Variants in NELL1 observed in about 807,000 individuals in gnomAD.
The protein encoded by NELL1 is neural EGFL like 1, also known as protein kinase C-binding protein NELL1.
A neutral mutation model predicts 107.4 loss-of-function variants in NELL1; 76 were observed. The observed-to-expected ratio is 0.71, with a 90% CI of 0.59 to 0.86. The LOEUF (loss-of-function observed/expected upper bound fraction) is 0.86, where lower values mean the gene tolerates loss of function less well. NELL1 is among the 40% of genes least tolerant of loss of function. NELL1 has a pLI of 0.00. For missense variants in NELL1, 1,024 were observed against 1,005.5 expected, an observed-to-expected ratio of 1.02 and a Z score of -0.25; for synonymous variants, 353 against 341.2, an observed-to-expected ratio of 1.03 and a Z score of -0.38.
intron 15 of NELL1, among the ~76,000 whole-genome samples, chr11:21,498,427 A>G (rs145285178): frequency 1.3e-5 from 2 of 149,966 alleles, no homozygotes; most frequent in Admixed American, 1.3e-4. Context: ...GTACTTTTCT[A>G]CCATTGGTTT....
At chr11:21,324,837 T>C (rs2133674056) in intron 14 of NELL1, among the ~76,000 whole-genome samples, 1 of 152,092 alleles carries the variant, frequency 6.6e-6, no homozygotes, top group African/African-American at 2.4e-5. Flanking sequence ...TGTTATAGAG[T>C]AAGGTCTTGA....
intron 15 of NELL1, among the ~76,000 whole-genome samples, chr11:21,447,052 A>G (rs1455000637): frequency 6.6e-6 from 1 of 152,146 alleles, no homozygotes; most frequent in Non-Finnish European, 1.5e-5. Flanking sequence ...CATGTCTGCC[A>G]CCAATACAGG....
In NELL1 at chr11:21,126,790, T is replaced by C. The variant is rs144892245; in HGVS notation, c.1426+13076T>C. On this transcript the variant is annotated intron_variant, in intron 13 of 19. Coordinates refer to ENST00000357134, the MANE Select transcript of NELL1 (RefSeq NM_006157.5). ...GTAGACAGTGTTCAGACTGGGAAGA[T>C]GAGCCTAGAATCAGATGCTTTAGGC... 2.2e-3 allele frequency among the ~76,000 whole-genome samples: 335 copies of C among 152,372 alleles called. 2 individuals carry two copies. The highest frequency in any genetic ancestry group is 7.5e-3 in the African/African-American group (311 of 41,590).
intron 2 of NELL1, among the ~76,000 whole-genome samples, chr11:20,695,382 G>C (rs1854587510): frequency 6.6e-6 from 1 of 152,116 alleles, no homozygotes; most frequent in African/African-American, 2.4e-5. Context: ...TTTCTCAAGG[G>C]GAATGCTCCC....
At chr11:21,341,317 G>A (rs889986127) in intron 14 of NELL1, among the ~76,000 whole-genome samples, 8 of 152,126 alleles carry the variant, frequency 5.3e-5, no homozygotes, top group African/African-American at 1.2e-4. Flanking sequence ...ACAAACTATT[G>A]ACTATGAGAA....
At chr11:21,218,625 C>T (rs1590743944) in intron 13 of NELL1, among the ~76,000 whole-genome samples, 1 of 152,078 alleles carries the variant, frequency 6.6e-6, no homozygotes, top group African/African-American at 2.4e-5. Flanking sequence ...CCTAATCAAC[C>T]TCTCTGTATC....
intron 15 of NELL1, among the ~76,000 whole-genome samples, chr11:21,446,149 T>C (rs1214907463): frequency 3.9e-5 from 6 of 152,148 alleles, no homozygotes; most frequent in African/African-American, 9.7e-5. Context: ...TTCTTCAGTA[T>C]GTTAATTGCA....
chr11:21,555,942 C>A, intron 16 of NELL1, among the ~76,000 whole-genome samples: 1 of 151,864 alleles, frequency 6.6e-6, no homozygotes, highest in Non-Finnish European at 1.5e-5. Context: ...AGCATGGCTG[C>A]CACCGCTTAG....
At chr11:20,831,068 C>T (rs996427351) in intron 3 of NELL1, among the ~76,000 whole-genome samples, 6 of 152,134 alleles carry the variant, frequency 3.9e-5, no homozygotes, top group Admixed American at 6.6e-5. Flanking sequence ...AGAAAGTTTG[C>T]GTCACTGTTT....
At chr11:21,009,280 A>G (rs747749306) in intron 12 of NELL1, among the ~76,000 whole-genome samples, 7 of 152,156 alleles carry the variant, frequency 4.6e-5, no homozygotes, top group Non-Finnish European at 8.8e-5. Context: ...GGCAATTAGT[A>G]TCACTTGTTC....
chr11:21,432,006 T>C (rs1442395707), intron 15 of NELL1, among the ~76,000 whole-genome samples: 1 of 152,166 alleles, frequency 6.6e-6, no homozygotes, highest in Non-Finnish European at 1.5e-5. Context: ...GCTTCTTCTG[T>C]GTAGAAATGT....
chr11:20,758,742 T>C (rs1457756937), intron 2 of NELL1, among the ~76,000 whole-genome samples: 1 of 152,186 alleles, frequency 6.6e-6, no homozygotes, highest in Non-Finnish European at 1.5e-5. Flanking sequence ...GCAGTATTCT[T>C]GACTGCTACT....
chr11:21,453,917 C>CT (rs1182379361), intron 15 of NELL1, among the ~76,000 whole-genome samples: 188 of 133,632 alleles, frequency 1.4e-3, no homozygotes, highest in African/African-American at 3.9e-3. Context: ...ATCATAGGTT[C>CT]TTTTTTTTTT....
Position 20,875,366 on chromosome 11 carries a change from T to C in NELL1, c.507-10078T>C, listed in dbSNP as rs751215484. Reference sequence around the variant, plus strand: ...TAGTGTTGTGCTAAATCTGTCATGATTGAAACCATCACACCAGCTTCAAAT... The same window carrying C: ...TAGTGTTGTGCTAAATCTGTCATGACTGAAACCATCACACCAGCTTCAAAT... On this transcript the variant is annotated intron_variant, in intron 4 of 19. Coordinates refer to ENST00000357134, the MANE Select transcript of NELL1 (RefSeq NM_006157.5). Among the ~76,000 whole-genome samples, 81 of 152,132 alleles carry C rather than the reference T, an allele frequency of 5.3e-4. 3 individuals are homozygous for C. The highest frequency in any genetic ancestry group is 1.2e-4 in the Non-Finnish European group (8 of 68,046).
chr11:21,448,559 C>T (rs184496115), intron 15 of NELL1, among the ~76,000 whole-genome samples: 1 of 152,222 alleles, frequency 6.6e-6, no homozygotes, highest in African/African-American at 2.4e-5. Flanking sequence ...ATTTTTAGCA[C>T]TTTGGTTAGG....
intron 12 of NELL1, among the ~76,000 whole-genome samples, chr11:21,075,640 C>T (rs1854116774): frequency 6.6e-6 from 1 of 152,028 alleles, no homozygotes; most frequent in Non-Finnish European, 1.5e-5. Flanking sequence ...ACATGGGGTT[C>T]CATTATGTTT....
chr11:21,336,307 T>A (rs2133693772), intron 14 of NELL1, among the ~76,000 whole-genome samples: 1 of 152,148 alleles, frequency 6.6e-6, no homozygotes, highest in South Asian at 2.1e-4. Context: ...ATACAGTATC[T>A]TATTGAAGCT....
At chr11:20,855,911 T>C (rs906653389) in intron 4 of NELL1, among the ~76,000 whole-genome samples, 10 of 152,226 alleles carry the variant, frequency 6.6e-5, no homozygotes, top group African/African-American at 2.4e-4. Context: ...TTCCAAACAG[T>C]GCATTAGTTT....
intron 10 of NELL1, among the ~76,000 whole-genome samples, chr11:20,938,962 GTGCA>G (rs1208990434): frequency 1.3e-4 from 20 of 151,854 alleles, no homozygotes; most frequent in African/African-American, 4.8e-4. Flanking sequence ...GTGTGTGTGT[GTGCA>G]TGCACGTGTG....
Sources: allele counts gnomAD v4.1 joint callset (sites outside exome capture counted in the v4.1 genomes callset), GRCh38; gene constraint gnomAD v4.1.1; transcripts MANE v1.5; gene names NCBI Gene and HGNC (gene_info 2026-07-23, HGNC 2026-07-21).